ZSCAN5A: variants seen among roughly 807,000 people sequenced by gnomAD.
ZSCAN5A encodes the protein zinc finger and SCAN domain-containing protein 5A.
Under a neutral mutation model 23.7 loss-of-function variants are expected in ZSCAN5A, and 12 were observed. That is an observed-to-expected ratio of 0.51 (90% CI 0.32 to 0.82). The LOEUF (loss-of-function observed/expected upper bound fraction) is 0.82. Ranked by LOEUF, ZSCAN5A falls within the 40% of genes least tolerant of loss-of-function variation. The pLI, the probability that ZSCAN5A is intolerant of heterozygous loss-of-function variation, is 0.03. For synonymous variants in ZSCAN5A, 257 were observed against 239.9 expected, an observed-to-expected ratio of 1.07 and a Z score of -0.66; for missense variants, 597 against 617.9, an observed-to-expected ratio of 0.97 and a Z score of 0.36.
chr19:56,348,864 A>C (rs560198246), intron 2 of ZSCAN5A, among the ~76,000 whole-genome samples: 2 of 152,212 alleles, frequency 1.3e-5, no homozygotes, highest in Non-Finnish European at 2.9e-5. Context: ...GAAAGCTTCG[A>C]GGTATTAACA....
At chr19:56,236,238 C>T (rs2034900381) in intron 2 of ZSCAN5A, among the ~76,000 whole-genome samples, 1 of 24,474 alleles carries the variant, frequency 4.1e-5, no homozygotes, top group East Asian at 1.2e-3. Flanking sequence ...AGCCTCCATT[C>T]CAGCCTCTGA....
intron 2 of ZSCAN5A, chr19:56,347,370 T>G (rs1415296904): frequency 6.6e-6 from 1 of 152,160 alleles, no homozygotes. Flanking sequence ...GGGCTCTGGG[T>G]GCTATCAACT....
At chr19:56,353,652 G>A (rs2041682940) in intron 2 of ZSCAN5A, among the ~76,000 whole-genome samples, 1 of 151,958 alleles carries the variant, frequency 6.6e-6, no homozygotes, top group South Asian at 2.1e-4. Context: ...CGTGGTGGCA[G>A]GCACCTGTAG....
chr19:56,355,902 T>C (rs1229335720), intron 2 of ZSCAN5A, among the ~76,000 whole-genome samples: 2 of 148,778 alleles, frequency 1.3e-5, no homozygotes. Context: ...TAAAGAAATT[T>C]ACAGATTAGT....
chr19:56,269,719 G>A (rs758987268), intron 2 of ZSCAN5A, among the ~76,000 whole-genome samples: 4 of 152,192 alleles, frequency 2.6e-5, no homozygotes, highest in Non-Finnish European at 5.9e-5. Context: ...ATTTGAAGAC[G>A]CCATGCTGTT....
intron 2 of ZSCAN5A, chr19:56,244,203 A>G (rs2035669526): frequency 6.2e-7 from 1 of 1,609,664 alleles, no homozygotes; most frequent in Admixed American, 1.7e-5. Context: ...AGCTGCCCAG[A>G]GGAGTCGGAC....
Position 56,321,961 on chromosome 19 carries a change from A to G in ZSCAN5A, c.-357-5693T>C, listed in dbSNP as rs190991611. ...TGGCCTTCTGAAGATATCTCACACC[A>G]CCATGGATCAAATTAGTGCTTCTGC... On this transcript the variant is annotated intron_variant, in intron 2 of 6. Coordinates refer to the ZSCAN5A transcript ENST00000587340. 3.7e-5 allele frequency: 29 copies of G among 780,482 alleles called. No homozygotes were observed. The African/African-American group carries it at 3.9e-4, about 10-fold the overall frequency. The allele number at this position is 780,482 out of a possible 1,614,324, so 48.3% of individuals were successfully genotyped here. A position where few individuals can be genotyped will look rare whatever the true frequency, so the allele number is the denominator to read the frequency against.
chr19:56,354,630 A>G (rs997312757), intron 2 of ZSCAN5A: 3 of 152,158 alleles, frequency 2.0e-5, no homozygotes, highest in African/African-American at 7.2e-5. Context: ...GTTGGGTCCA[A>G]TCTGTTGTTC....
intron 2 of ZSCAN5A, among the ~76,000 whole-genome samples, chr19:56,257,581 C>A (rs2036794418): frequency 6.7e-6 from 1 of 148,836 alleles, no homozygotes; most frequent in Non-Finnish European, 1.5e-5. Context: ...GCCTTTCACA[C>A]CTGGCTCCTA....
chr19:56,306,332 T>C (rs1014578286), intron 2 of ZSCAN5A, among the ~76,000 whole-genome samples: 30 of 114,502 alleles, frequency 2.6e-4, no homozygotes, highest in African/African-American at 4.5e-4. Context: ...AGATGGGAGA[T>C]TTCTCTTCCC....
chr19:56,341,232 A>G (rs912028072), intron 2 of ZSCAN5A: 2 of 152,346 alleles, frequency 1.3e-5, no homozygotes, highest in South Asian at 4.1e-4. Flanking sequence ...AAAAGGAACT[A>G]ACAAAGCCTC....
chr19:56,331,260 G>C (rs1227930753), intron 2 of ZSCAN5A, among the ~76,000 whole-genome samples: 1 of 152,068 alleles, frequency 6.6e-6, no homozygotes, highest in Non-Finnish European at 1.5e-5. Context: ...TTGTTGTTTA[G>C]AATTGCTTTG....
At chr19:56,333,235 T>C (rs1042630261) in intron 2 of ZSCAN5A, among the ~76,000 whole-genome samples, 2 of 152,144 alleles carry the variant, frequency 1.3e-5, no homozygotes, top group African/African-American at 4.8e-5. Flanking sequence ...TTTCTTAAAT[T>C]ATTCTCTCAA....
intron 2 of ZSCAN5A, among the ~76,000 whole-genome samples, chr19:56,332,306 G>A (rs1365162194): frequency 6.6e-6 from 1 of 152,174 alleles, no homozygotes; most frequent in African/African-American, 2.4e-5. Context: ...TCTTTTCATA[G>A]ATCTAGAACT....
chr19:56,228,351 G>A, intron 2 of ZSCAN5A: 2 of 985,344 alleles, frequency 2.0e-6, no homozygotes, highest in Non-Finnish European at 2.4e-6. Context: ...CGGGACTCCA[G>A]GCCGCGTTTC....
chr19:56,246,454 C>T (rs766805414), intron 2 of ZSCAN5A: 3 of 585,326 alleles, frequency 5.1e-6, no homozygotes, highest in Non-Finnish European at 9.2e-6. Flanking sequence ...GCCTCAGCTT[C>T]CAAACGGTCC....
At chr19:56,361,217 G>A (rs542052601) in intron 2 of ZSCAN5A, among the ~76,000 whole-genome samples, 30 of 152,328 alleles carry the variant, frequency 2.0e-4, no homozygotes, top group African/African-American at 6.3e-4. Context: ...AGATGCTGGC[G>A]AGGTTGCAGA....
chr19:56,252,878 T>C (rs1315230219), intron 2 of ZSCAN5A, among the ~76,000 whole-genome samples: 2 of 152,200 alleles, frequency 1.3e-5, no homozygotes, highest in Middle Eastern at 3.4e-3. Context: ...GCTGGGGTCG[T>C]GAACACGCCA....
intron 2 of ZSCAN5A, among the ~76,000 whole-genome samples, chr19:56,259,563 G>A (rs962516282): frequency 6.6e-6 from 1 of 152,204 alleles, no homozygotes; most frequent in Non-Finnish European, 1.5e-5. Flanking sequence ...TGCTTGTGGC[G>A]TGTGTACTAA....
Sources: allele counts gnomAD v4.1 joint callset (sites outside exome capture counted in the v4.1 genomes callset), GRCh38; gene constraint gnomAD v4.1.1; transcripts MANE v1.5; gene names NCBI Gene and HGNC (gene_info 2026-07-23, HGNC 2026-07-21).